Variants in DERA observed in about 807,000 individuals in gnomAD.
DERA encodes 2-deoxy-D-ribose 5-phosphate aldolase.
Under a neutral mutation model 41.1 loss-of-function variants are expected in DERA, and 15 were observed. The observed-to-expected ratio is 0.37, with a 90% CI of 0.24 to 0.56. DERA has a LOEUF of 0.56. Among genes scored for constraint, DERA ranks in the 20% least tolerant of loss-of-function variants. The pLI is 0.81. For synonymous variants in DERA, 139 were observed against 137.4 expected, an observed-to-expected ratio of 1.01 and a Z score of -0.08; for missense variants, 396 against 403.4, an observed-to-expected ratio of 0.98 and a Z score of 0.16.
chr12:15,968,405 TTCCTC>T (rs1327065734), intron 5 of DERA, among the ~76,000 whole-genome samples: 1 of 152,154 alleles, frequency 6.6e-6, no homozygotes, highest in Admixed American at 6.5e-5. Flanking sequence ...AAAGAAGACT[TTCCTC>T]TCCCTGGGAT....
intron 1 of DERA, among the ~76,000 whole-genome samples, chr12:15,947,430 C>G (rs1047178204): frequency 2.4e-4 from 37 of 152,248 alleles, no homozygotes; most frequent in African/African-American, 8.4e-4. Context: ...GTTAGCTCTT[C>G]TTGTTGAATT....
Position 15,993,495 on chromosome 12 carries a change from T to TA in DERA, c.637+11067dup, listed in dbSNP as rs796777302. 2.5e-3 allele frequency among the ~76,000 whole-genome samples: 368 copies of TA among 149,396 alleles called. No individual in the cohort carries two copies. Among genetic ancestry groups the TA allele is most frequent in the East Asian group, 0.017 (88 of 5,130 alleles). ...GTGTTGTGGCCTTTTTTTTTTTTTT[T>TA]AAAAAAAATAAGATCTTGCCTTTCA... On this transcript the variant is annotated intron_variant, in intron 6 of 8. Coordinates refer to ENST00000428559, the MANE Select transcript of DERA (RefSeq NM_015954.4). The surrounding 1 kb of genome is among the most constrained non-coding windows in gnomAD (Gnocchi z 4.4).
chr12:15,957,423 G>A lies in DERA; in HGVS notation c.129+390G>A, dbSNP rs1948548327. On this transcript the variant is annotated intron_variant, in intron 2 of 8. Transcript: ENST00000428559. The surrounding 1 kb of genome is among the most constrained non-coding windows in gnomAD (Gnocchi z 4.8). ...ACTGTTGAGGCCCTTAGGTATAAGA[G>A]TTGACCTTTCTTGACCATCATATTT... 6.6e-6 allele frequency among the ~76,000 whole-genome samples: 1 copy of A among 152,182 alleles called. No individual in the cohort carries two copies. Among genetic ancestry groups the A allele is most frequent in the Non-Finnish European group, 1.5e-5 (1 of 68,036 alleles).
chr12:15,952,302 C>A (rs1388358509), intron 1 of DERA, among the ~76,000 whole-genome samples: 5 of 152,124 alleles, frequency 3.3e-5, no homozygotes. Flanking sequence ...ACAGTGCTGC[C>A]ACACATACGT....
At chr12:16,034,504 T>C (rs1388876158) in intron 7 of DERA, among the ~76,000 whole-genome samples, 1 of 152,240 alleles carries the variant, frequency 6.6e-6, no homozygotes, top group Non-Finnish European at 1.5e-5. Flanking sequence ...CCAAATTGTA[T>C]TCATTTAATC....
intron 1 of DERA, chr12:15,956,496 A>C (rs552760640): frequency 1.2e-5 from 4 of 336,696 alleles, no homozygotes; most frequent in East Asian, 7.7e-5. Flanking sequence ...GGTAGTGAGC[A>C]CAGATTCTGT....
chr12:15,958,470 TAGAC>T (rs1948558121), intron 3 of DERA, 135 bp downstream of exon 3: 2 of 487,638 alleles, frequency 4.1e-6, no homozygotes, highest in Non-Finnish European at 6.4e-6. Flanking sequence ...TGTGTATACA[TAGAC>T]AGATTCTTCT....
chr12:15,998,837 G>C lies in DERA; in HGVS notation c.637+16401G>C, dbSNP rs1240534018. On this transcript the variant is annotated intron_variant, in intron 6 of 8. Transcript: ENST00000428559. This position sits in a 1 kb window ranked among gnomAD's most constrained non-coding sequence, Gnocchi z 4.8. Reference sequence around the variant, plus strand: ...TGTTTGGTGTCTAGGCCAGCCCCGAGATTAGCTTACAGAATAACTGAAATG... The same window carrying C: ...TGTTTGGTGTCTAGGCCAGCCCCGACATTAGCTTACAGAATAACTGAAATG... Among the ~76,000 whole-genome samples, 2 of 152,200 alleles carry C rather than the reference G, an allele frequency of 1.3e-5. No homozygotes were observed. Among genetic ancestry groups the C allele is most frequent in the African/African-American group, 2.4e-5 (1 of 41,464 alleles).
rs1378451401 is a variant in DERA at position 15,938,905 on chromosome 12, A to G, written c.32-18031A>G. Among the ~76,000 whole-genome samples, 1 of 152,202 alleles carries G rather than the reference A, an allele frequency of 6.6e-6. No individual in the cohort carries two copies. The highest frequency in any genetic ancestry group is 1.5e-5 in the Non-Finnish European group (1 of 68,028). ...TCCAGTACAGAATGTAAGCTTATCT[A>G]ATTTAAAATAGGAGCTTGTGGTAGC... On this transcript the variant is annotated intron_variant, in intron 1 of 8. Transcript: ENST00000428559. This position sits in a 1 kb window ranked among gnomAD's most constrained non-coding sequence, Gnocchi z 4.1.
Position 15,941,732 on chromosome 12 carries a change from A to G in DERA, c.32-15204A>G, listed in dbSNP as rs906243025. ...GTTTCCTTTTATGGCTCAGTACTCC[A>G]TGATGTATATATACCACATTTTCTT... On this transcript the variant is annotated intron_variant, in intron 1 of 8. Transcript: ENST00000428559. The surrounding 1 kb of genome is among the most constrained non-coding windows in gnomAD (Gnocchi z 4.5). 6.6e-6 allele frequency among the ~76,000 whole-genome samples: 1 copy of G among 152,204 alleles called. No homozygotes were observed. The highest frequency in any genetic ancestry group is 1.5e-5 in the Non-Finnish European group (1 of 68,040).
At chr12:15,912,739 CACAT>C (rs1948173582) in intron 1 of DERA, among the ~76,000 whole-genome samples, 1 of 152,094 alleles carries the variant, frequency 6.6e-6, no homozygotes. Flanking sequence ...TTATATGTAA[CACAT>C]ACAGGTAGGT....
rs1948786699 is a variant in DERA, at chr12:15,989,353, A to G, written c.637+6917A>G. On this transcript the variant is annotated intron_variant, in intron 6 of 8. Coordinates refer to ENST00000428559, the MANE Select transcript of DERA (RefSeq NM_015954.4). This position sits in a 1 kb window ranked among gnomAD's most constrained non-coding sequence, Gnocchi z 5.2. ...AATTGGCTTTTAAGCCTATCCAGTG[A>G]AATGTATGCTGCTGTACATTTTTAG... Among the ~76,000 whole-genome samples, 1 of 152,232 alleles carries G rather than the reference A, an allele frequency of 6.6e-6. No homozygotes were observed. Among genetic ancestry groups the G allele is most frequent in the Non-Finnish European group, 1.5e-5 (1 of 68,042 alleles).
At chr12:15,951,941 G>T (rs1948501095) in intron 1 of DERA, among the ~76,000 whole-genome samples, 1 of 147,794 alleles carries the variant, frequency 6.8e-6, no homozygotes, top group Non-Finnish European at 1.5e-5. Flanking sequence ...TTGCTCTGTT[G>T]CCCAGGCTAG....
Position 15,962,854 on chromosome 12 carries a change from C to T in DERA, c.415C>T (p.Arg139Ter), listed in dbSNP as rs771426162. 21 of 1,564,268 alleles carry T rather than the reference C, an allele frequency of 1.3e-5. No homozygotes were observed. The highest frequency in any genetic ancestry group is 1.7e-4 in the Middle Eastern group (1 of 6,022). Residue 139 changes from arginine (R) to a stop codon, truncating the protein, a stop_gained, in exon 5 of 9, where the codon CGA (arginine) becomes TGA (stop). Coordinates refer to ENST00000428559, the MANE Select transcript of DERA (RefSeq NM_015954.4). LOFTEE classifies it high-confidence loss of function. ...AGCTGGACAGACTCATTTGAAGACA[C>T]GATTAGAAGAGATCAGATTGGCTGT... ...FPAGQTHLKTRLEEIRLAVED... is the reference protein window; with the variant it reads ...FPAGQTHLKT
Position 15,992,411 on chromosome 12 carries a change from G to GATATTACATGGA in DERA, c.637+9975_637+9976insATATTACATGGA. ...TATTGTATTTCTAAAGCAATGTAAG[G>GATATTACATGGA]TATGACAAGGATATTAATGATCTGT... On this transcript the variant is annotated intron_variant, in intron 6 of 8. Coordinates refer to ENST00000428559, the MANE Select transcript of DERA (RefSeq NM_015954.4). This position sits in a 1 kb window ranked among gnomAD's most constrained non-coding sequence, Gnocchi z 4.3. Among the ~76,000 whole-genome samples, 1 of 152,184 alleles carries GATATTACATGGA rather than the reference G, an allele frequency of 6.6e-6. No homozygotes were observed. The highest frequency in any genetic ancestry group is 3.4e-3 in the Middle Eastern group (1 of 292).
At chr12:15,971,890 TC>T in intron 5 of DERA, 1 of 324,040 alleles carries the variant, frequency 3.1e-6, no homozygotes, top group Non-Finnish European at 6.0e-6. Context: ...TGGAGCACAG[TC>T]AATCTTCAGT....
rs779030079 is a variant in DERA at position 16,036,279 on chromosome 12, T to C, written c.798T>C (p.Leu266=). 1.4e-5 allele frequency: 22 copies of C among 1,613,532 alleles called. No individual in the cohort carries two copies. Among genetic ancestry groups the C allele is most frequent in the Non-Finnish European group, 1.8e-5 (21 of 1,179,730 alleles). The part of the protein sequence containing the change: ...AGGIRSAKDS[L]AWLSLVKEEL... ...GCATCCGCAGTGCAAAGGATTCCCT[T>C]GCTTGGCTCTCTCTTGTAAAGGAGG... Residue 266 remains leucine, a synonymous_variant, in exon 8 of 9, where the codon CTT becomes CTC. Transcript: ENST00000428559. The surrounding 1 kb of genome is among the most constrained non-coding windows in gnomAD (Gnocchi z 4.9).
At chr12:16,005,704 T>G (rs1948905746) in intron 6 of DERA, among the ~76,000 whole-genome samples, 1 of 152,218 alleles carries the variant, frequency 6.6e-6, no homozygotes, top group Admixed American at 6.5e-5. Flanking sequence ...AAAAAACTTC[T>G]ATATTTTTGG....
chr12:15,989,296 T>C lies in DERA; in HGVS notation c.637+6860T>C, dbSNP rs74065536. On this transcript the variant is annotated intron_variant, in intron 6 of 8. Coordinates refer to ENST00000428559, the MANE Select transcript of DERA (RefSeq NM_015954.4). The surrounding 1 kb of genome is among the most constrained non-coding windows in gnomAD (Gnocchi z 5.2). ...GTGGCTGCTCCAGACAGGCCACTGC[T>C]GCCATCACTTTGATCCTTATTTTCT... 0.065 allele frequency among the ~76,000 whole-genome samples: 9,845 copies of C among 152,338 alleles called. 1,022 individuals are homozygous for C. The highest frequency in any genetic ancestry group is 0.22 in the African/African-American group (9,065 of 41,558).
Sources: gnomAD v4.1 joint callset for allele counts (sites outside exome capture counted in the v4.1 genomes callset) on GRCh38, gnomAD v4.1.1 for gene constraint, Gnocchi (gnomAD v3.1) non-coding constraint, MANE v1.5 for transcripts, NCBI Gene and HGNC (gene_info 2026-07-23, HGNC 2026-07-21) for gene names.